Variants in PHC3 observed in about 807,000 individuals in gnomAD.
PHC3 encodes the protein polyhomeotic homolog 3, also known as polyhomeotic-like protein 3.
PHC3 carries 13 observed loss-of-function variants against 107.4 expected under a neutral mutation model. That is an observed-to-expected ratio of 0.12 (90% CI 0.08 to 0.19). PHC3 has a LOEUF of 0.19. Among genes scored for constraint, PHC3 ranks in the 10% least tolerant of loss-of-function variants. The pLI, the probability that PHC3 is intolerant of heterozygous loss-of-function variation, is 1.00. For synonymous variants in PHC3, 456 were observed against 427.4 expected, an observed-to-expected ratio of 1.07 and a Z score of -0.83; for missense variants, 992 against 1,210.9, an observed-to-expected ratio of 0.82 and a Z score of 2.68.
chr3:170,163,861 CAAAAAAA>C (rs200514068), intron 4 of PHC3, among the ~76,000 whole-genome samples: 9 of 85,104 alleles, frequency 1.1e-4, no homozygotes, highest in Non-Finnish European at 1.5e-4. Context: ...AGACTCTGTC[CAAAAAAA>C]AAAAAAAAAA....
chr3:170,127,061 T>C (rs1395312827), intron 8 of PHC3, among the ~76,000 whole-genome samples: 1 of 152,166 alleles, frequency 6.6e-6, no homozygotes, highest in East Asian at 1.9e-4. Flanking sequence ...ATTAAAAATT[T>C]TTTGAAGGTG....
chr3:170,160,147 T>G (rs1227124560), intron 4 of PHC3, among the ~76,000 whole-genome samples: 1 of 152,226 alleles, frequency 6.6e-6, no homozygotes, highest in Non-Finnish European at 1.5e-5. Context: ...TGGCATAGAC[T>G]GTCCTCAGGA....
chr3:170,129,383 G>A lies in PHC3; in HGVS notation c.1089C>T (p.His363=). 3 of 1,613,958 alleles carry A rather than the reference G, an allele frequency of 1.9e-6. No individual in the cohort carries two copies. The highest frequency in any genetic ancestry group is 2.5e-6 in the Non-Finnish European group (3 of 1,179,868). ...GGCCATGGTTCTGGAGTGGTATACA[G>A]TGCTGGGATGGGGGTGGGTCTTGAG... ...NSTQDPPPSQ[H]CIPLQNHGLP... is the part of the protein sequence containing the mutation. Residue 363 remains histidine (H), a synonymous_variant, in exon 8 of 15, where the codon CAC becomes CAT. Coordinates refer to ENST00000495893, the MANE Select transcript of PHC3 (RefSeq NM_024947.4).
chr3:170,126,414 T>C (rs1030350229), intron 8 of PHC3, among the ~76,000 whole-genome samples: 1 of 150,962 alleles, frequency 6.6e-6, no homozygotes, highest in African/African-American at 2.4e-5. Flanking sequence ...TTAATATCAT[T>C]TTTTAAACTT....
intron 5 of PHC3, among the ~76,000 whole-genome samples, chr3:170,146,285 G>A (rs1328963042): frequency 6.6e-6 from 1 of 151,114 alleles, no homozygotes; most frequent in African/African-American, 2.4e-5. Context: ...TGAGGCAGGA[G>A]AATCACTTGA....
At chr3:170,140,004 G>GT (rs1332556776) in intron 6 of PHC3, among the ~76,000 whole-genome samples, 1 of 151,858 alleles carries the variant, frequency 6.6e-6, no homozygotes, top group Non-Finnish European at 1.5e-5. Flanking sequence ...ATCTCACACT[G>GT]TTATAGAGGG....
intron 4 of PHC3, chr3:170,171,156 A>G: frequency 1.7e-6 from 1 of 576,974 alleles, no homozygotes; most frequent in Non-Finnish European, 3.0e-6. Flanking sequence ...TGGATATACA[A>G]GAAATAATAC....
chr3:170,175,637 G>GC (rs1209365552), intron 2 of PHC3, among the ~76,000 whole-genome samples: 2 of 143,418 alleles, frequency 1.4e-5, no homozygotes, highest in African/African-American at 5.5e-5. Context: ...AAAAAAAAAA[G>GC]GGGGGGGCCA....
intron 12 of PHC3, among the ~76,000 whole-genome samples, chr3:170,106,563 CTA>C (rs1214633827): frequency 6.6e-6 from 1 of 152,048 alleles, no homozygotes; most frequent in Admixed American, 6.6e-5. Context: ...CAGGAGATTA[CTA>C]CTTTAATATT....
intron 14 of PHC3, among the ~76,000 whole-genome samples, chr3:170,099,435 G>C (rs1489069277): frequency 6.6e-6 from 1 of 152,012 alleles, no homozygotes; most frequent in Non-Finnish European, 1.5e-5. Flanking sequence ...TCTCATTACA[G>C]AAAAATATAT....
At position 170,095,212 on chromosome 3, in the gene PHC3, T is replaced by C. The variant is rs929212185; in HGVS notation, c.*2018A>G. The C allele has an allele frequency of 1.3e-5, 2 of 152,170 alleles. No individual in the cohort carries two copies. Among genetic ancestry groups the C allele is most frequent in the Admixed American group, 6.6e-5 (1 of 15,266 alleles). 9.4% of individuals were successfully genotyped at this position (152,170 alleles called of 1,614,324 possible). On this transcript the variant is annotated 3_prime_UTR_variant, in exon 15 of 15. Transcript: ENST00000495893. ...ACTGCTAATAAATGAAAACTCATTATAGAGTACCTAGCTTTCCTTGATACT... is the reference window on the plus strand; with the variant it reads ...ACTGCTAATAAATGAAAACTCATTACAGAGTACCTAGCTTTCCTTGATACT...
intron 11 of PHC3, among the ~76,000 whole-genome samples, chr3:170,111,316 A>AC (rs1238352513): frequency 0.026 from 3,165 of 122,034 alleles, 55 homozygotes; most frequent in Non-Finnish European, 0.04. Flanking sequence ...GAAGGAAGGA[A>AC]GGAACGAACG....
chr3:170,148,323 T>C (rs1157291882), intron 5 of PHC3: 1 of 152,152 alleles, frequency 6.6e-6, no homozygotes, highest in Non-Finnish European at 1.5e-5. Flanking sequence ...GATCCAGATA[T>C]ATATTCAGTC....
chr3:170,128,516 A>ATT (rs878885056), intron 8 of PHC3, 168 bp downstream of exon 8: 356 of 921,634 alleles, frequency 3.9e-4, no homozygotes, highest in East Asian at 2.3e-3. Context: ...AAACAATGGC[A>ATT]TTTTTTTTTT....
intron 4 of PHC3, among the ~76,000 whole-genome samples, chr3:170,163,138 C>T (rs947155476): frequency 2.6e-5 from 4 of 151,766 alleles, no homozygotes; most frequent in African/African-American, 9.7e-5. Flanking sequence ...GAGGATTTGG[C>T]GAATATTAAA....
At position 170,157,447 on chromosome 3, in the gene PHC3, C is replaced by A. The variant is rs540736972; in HGVS notation, c.415-8203G>T. ...TTTTCTGTACTGTTGGAATATTTTA[C>A]AAAAATGCAGTAAAGCTGCTTGTGA... On this transcript the variant is annotated intron_variant, in intron 4 of 14. Coordinates refer to ENST00000495893, the MANE Select transcript of PHC3 (RefSeq NM_024947.4). Among the ~76,000 whole-genome samples the A allele has an allele frequency of 2.0e-5, 3 of 152,258 alleles. No homozygotes were observed. The East Asian group carries it at 5.8e-4, about 29-fold the overall frequency.
At chr3:170,146,952 C>T (rs563259239) in intron 5 of PHC3, among the ~76,000 whole-genome samples, 2 of 144,036 alleles carry the variant, frequency 1.4e-5, no homozygotes, top group Non-Finnish European at 3.0e-5. Flanking sequence ...GCGCGATGTC[C>T]GCTCACCACA....
Position 170,088,237 on chromosome 3 carries a change from T to C in PHC3, c.*8993A>G, listed in dbSNP as rs1275024432. 1.3e-5 allele frequency: 2 copies of C among 152,180 alleles called. No homozygotes were observed. Among genetic ancestry groups the C allele is most frequent in the Non-Finnish European group, 2.9e-5 (2 of 68,014 alleles). The allele number at this position is 152,180 out of a possible 1,614,324, so 9.4% of individuals were successfully genotyped here. On this transcript the variant is annotated 3_prime_UTR_variant, in exon 15 of 15. Transcript: ENST00000495893. ...GGATCATCTTTTGAGGTTTTAATAA[T>C]ATGAAAGTCCTATTTTAGAACAATG...
chr3:170,173,303 A>G (rs1259742458), intron 2 of PHC3, among the ~76,000 whole-genome samples: 2 of 152,236 alleles, frequency 1.3e-5, no homozygotes, highest in Non-Finnish European at 2.9e-5. Context: ...AAACTTACAA[A>G]TTAAAACAAG....
Sources: allele counts gnomAD v4.1 joint callset (sites outside exome capture counted in the v4.1 genomes callset), GRCh38; gene constraint gnomAD v4.1.1; transcripts MANE v1.5; gene names NCBI Gene and HGNC (gene_info 2026-07-23, HGNC 2026-07-21).